The following THEMIS variants were observed in gnomAD, a reference collection of about 807,000 sequenced individuals.
THEMIS encodes protein THEMIS.
THEMIS carries 37 observed loss-of-function variants against 52.6 expected under a neutral mutation model. That is an observed-to-expected ratio of 0.70 (90% confidence interval 0.54 to 0.93). The LOEUF is 0.93. Ranked by LOEUF, THEMIS falls within the 40% of genes least tolerant of loss-of-function variation. The pLI, the probability that THEMIS is intolerant of heterozygous loss-of-function variation, is 0.00. For synonymous variants in THEMIS, 292 were observed against 272.7 expected, an observed-to-expected ratio of 1.07 and a Z score of -0.70; for missense variants, 808 against 763.1, an observed-to-expected ratio of 1.06 and a Z score of -0.69.
At chr6:127,770,101 A>G (rs552278190) in intron 4 of THEMIS, among the ~76,000 whole-genome samples, 1 of 152,344 alleles carries the variant, frequency 6.6e-6, no homozygotes, top group South Asian at 2.1e-4. Flanking sequence ...ATGTGTCTTT[A>G]TAACAGCATG....
intron 4 of THEMIS, among the ~76,000 whole-genome samples, chr6:127,798,316 C>T (rs991211981): frequency 6.6e-6 from 1 of 152,014 alleles, no homozygotes; most frequent in Non-Finnish European, 1.5e-5. Context: ...AATAAAAGAT[C>T]ACTGAAAATG....
In THEMIS at chr6:127,829,523, C is replaced by T. The variant is rs778845824; in HGVS notation, c.662G>A (p.Gly221Asp). The change falls in exon 3 of 6, where the codon GGT becomes GAT. Residue 221 changes from glycine to aspartate, a missense_variant. Physicochemically the swap from Gly to Asp is moderately conservative, Grantham distance 94. Coordinates refer to ENST00000368248, the MANE Select transcript of THEMIS (RefSeq NM_001010923.3). Reference sequence around the variant, plus strand: ...ATAAACAGGCTTGAGAATCAGGGTACCATAAAAGTCTTTAGGAAATGGATT... The same window carrying T: ...ATAAACAGGCTTGAGAATCAGGGTATCATAAAAGTCTTTAGGAAATGGATT... Reference protein sequence around the residue: ...STNPFPKDFYGTLILKPVYEI... With the variant: ...STNPFPKDFYDTLILKPVYEI... 1.4e-5 allele frequency: 23 copies of T among 1,612,390 alleles called. No individual in the cohort carries two copies. Among genetic ancestry groups the T allele is most frequent in the Non-Finnish European group, 1.9e-5 (22 of 1,179,412 alleles).
chr6:127,703,637 A>G (rs916871684), downstream of THEMIS, among the ~76,000 whole-genome samples: 3 of 152,208 alleles, frequency 2.0e-5, no homozygotes, highest in Admixed American at 6.5e-5. Flanking sequence ...CTAAAAGGGT[A>G]TGTATCTAGC....
chr6:127,719,033 T>A (rs1373457601), intron 5 of THEMIS, among the ~76,000 whole-genome samples: 1 of 151,988 alleles, frequency 6.6e-6, no homozygotes, highest in Non-Finnish European at 1.5e-5. Context: ...AATTTTTGTA[T>A]GAACTAAATG....
intron 1 of THEMIS, among the ~76,000 whole-genome samples, chr6:127,875,234 A>G (rs1337370764): frequency 6.6e-6 from 1 of 152,250 alleles, no homozygotes; most frequent in Non-Finnish European, 1.5e-5. Flanking sequence ...ACAACTGCAT[A>G]TGAATCTGCA....
chr6:127,889,921 T>C (rs1239126468), intron 1 of THEMIS, among the ~76,000 whole-genome samples: 2 of 152,070 alleles, frequency 1.3e-5, no homozygotes, highest in Non-Finnish European at 1.5e-5. Context: ...ACACAGACAT[T>C]TGAGAATTAA....
intron 4 of THEMIS, among the ~76,000 whole-genome samples, chr6:127,792,614 C>G (rs539989304): frequency 6.6e-6 from 1 of 152,174 alleles, no homozygotes; most frequent in Non-Finnish European, 1.5e-5. Context: ...CATTTTTAAC[C>G]ATTCCCTGAA....
chr6:127,853,695 TG>T (rs1779509148), intron 2 of THEMIS, among the ~76,000 whole-genome samples: 1 of 151,718 alleles, frequency 6.6e-6, no homozygotes, highest in African/African-American at 2.4e-5. Flanking sequence ...ATCTTAATAA[TG>T]GTAACAAAAG....
intron 4 of THEMIS, among the ~76,000 whole-genome samples, chr6:127,757,645 G>T (rs1775877399): frequency 6.6e-6 from 1 of 152,060 alleles, no homozygotes; most frequent in Admixed American, 6.6e-5. Flanking sequence ...ACCACGCCCG[G>T]CTAGATTTTC....
chr6:127,811,939 A>T (rs1777921655), intron 4 of THEMIS, among the ~76,000 whole-genome samples: 1 of 152,242 alleles, frequency 6.6e-6, no homozygotes, highest in Admixed American at 6.5e-5. Context: ...AGAATGCAAT[A>T]TCTGAGATGT....
chr6:127,907,337 A>ATTTTTTTTTTTT lies in THEMIS; in HGVS notation c.-149-6268_-149-6257dup, dbSNP rs58472332. Among the ~76,000 whole-genome samples the ATTTTTTTTTTTT allele has an allele frequency of 7.7e-3, 381 of 49,452 alleles. 92 individuals carry two copies. Among genetic ancestry groups the ATTTTTTTTTTTT allele is most frequent in the Non-Finnish European group, 0.011 (282 of 26,666 alleles). The allele number at this position is 49,452 out of a possible 152,430, so 32.4% of individuals were successfully genotyped here. A position where few individuals can be genotyped will look rare whatever the true frequency, so the allele number is the denominator to read the frequency against. On this transcript the variant is annotated intron_variant, in intron 1 of 6. Transcript: ENST00000368250. Reference sequence around the variant, plus strand: ...AATACCATTAGGGCATTAGGCTCGGATTTTTTTTTTTTTTTTTTTTTTTTT... The same window carrying ATTTTTTTTTTTT: ...AATACCATTAGGGCATTAGGCTCGGATTTTTTTTTTTTTTTTTTTTTTTTTTTTTTTTTTTTT...
In THEMIS at chr6:127,719,902, C is replaced by A. The variant is rs75511559; in HGVS notation, c.1759-79G>T. 1.4e-3 allele frequency: 2,103 copies of A among 1,530,378 alleles called. 23 individuals are homozygous for A. The African/African-American group carries it at 0.025, about 18-fold the overall frequency. The allele number at this position is 1,530,378 out of a possible 1,614,324, so 94.8% of individuals were successfully genotyped here. A position where few individuals can be genotyped will look rare whatever the true frequency, so the allele number is the denominator to read the frequency against. ...GAGATATGAAAGATTTATCACATGG[C>A]AATTCATTTCTGTATGTCTGAAACA... On this transcript the variant is annotated intron_variant, in intron 4 of 5. Coordinates refer to ENST00000368248, the MANE Select transcript of THEMIS (RefSeq NM_001010923.3).
intron 1 of THEMIS, among the ~76,000 whole-genome samples, chr6:127,862,418 T>G (rs1327807165): frequency 1.3e-5 from 2 of 148,160 alleles, no homozygotes; most frequent in African/African-American, 2.5e-5. Flanking sequence ...TGAAATCTCC[T>G]AGGGAGTAAA....
At chr6:127,894,870 T>C (rs1780916385) in intron 1 of THEMIS, among the ~76,000 whole-genome samples, 1 of 151,146 alleles carries the variant, frequency 6.6e-6, no homozygotes, top group South Asian at 2.1e-4. Flanking sequence ...AATGAATAAG[T>C]CTATGGGCTC....
At chr6:127,710,037 G>A (rs1773921610) in intron 5 of THEMIS, 21 bp from the exon 6 acceptor site, 4 of 1,518,010 alleles carry the variant, frequency 2.6e-6, no homozygotes, top group Admixed American at 1.9e-5. Flanking sequence ...AAAAAGAAGG[G>A]TTTATCAGAA....
intron 4 of THEMIS, among the ~76,000 whole-genome samples, chr6:127,762,196 T>C (rs1276095717): frequency 2.0e-5 from 3 of 152,088 alleles, no homozygotes; most frequent in Non-Finnish European, 1.5e-5. Flanking sequence ...ATGATGTATC[T>C]AAAACTAGGC....
intron 4 of THEMIS, 77 bp from the exon 5 acceptor site, chr6:127,719,900 G>A: frequency 6.5e-7 from 1 of 1,537,932 alleles, no homozygotes; most frequent in South Asian, 1.2e-5. Context: ...TTTATCACAT[G>A]GCAATTCATT....
intron 4 of THEMIS, among the ~76,000 whole-genome samples, chr6:127,784,830 A>C (rs937212601): frequency 2.0e-5 from 3 of 152,102 alleles, no homozygotes; most frequent in Non-Finnish European, 2.9e-5. Flanking sequence ...CTTTTTAAAA[A>C]AACTTAGGCC....
intron 4 of THEMIS, among the ~76,000 whole-genome samples, chr6:127,729,515 A>G (rs1340214997): frequency 2.0e-5 from 3 of 152,118 alleles, no homozygotes; most frequent in African/African-American, 7.2e-5. Context: ...CTCTTTCCTT[A>G]GAAACAACAC....
Sources: allele counts gnomAD v4.1 joint callset (sites outside exome capture counted in the v4.1 genomes callset), GRCh38; gene constraint gnomAD v4.1.1; transcripts MANE v1.5; gene names NCBI Gene and HGNC (gene_info 2026-07-23, HGNC 2026-07-21).